CACNA1G: variants seen among roughly 807,000 people sequenced by gnomAD.
CACNA1G encodes the protein calcium voltage-gated channel subunit alpha1 G, also known as voltage-dependent T-type calcium channel subunit alpha-1G.
In CACNA1G, 67 loss-of-function variants were observed where a neutral mutation model predicts 219.4. The observed-to-expected ratio is 0.31, with a 90% CI of 0.25 to 0.37. The LOEUF is 0.37. Among genes scored for constraint, CACNA1G ranks in the 10% least tolerant of loss-of-function variants. The probability of loss-of-function intolerance (pLI) is 1.00; values close to 1 mark genes in which losing one functional copy is unlikely to be tolerated. For synonymous variants in CACNA1G, 1,296 were observed against 1,345.3 expected (o/e 0.96, Z 0.80); for missense variants, 2,380 against 3,231.4 (o/e 0.74, Z 6.39).
intron 9 of CACNA1G, among the ~76,000 whole-genome samples, chr17:50,586,167 C>T (rs1490398495): frequency 1.3e-5 from 2 of 152,214 alleles, no homozygotes; most frequent in Non-Finnish European, 2.9e-5. Context: ...CGTCCACACG[C>T]TGCCACCACT....
At position 50,599,634 on chromosome 17, in the gene CACNA1G, C is replaced by A; in HGVS notation, c.3465C>A (p.Gly1155=). The A allele has an allele frequency of 1.2e-6, 2 of 1,612,968 alleles. No homozygotes were observed. The highest frequency in any genetic ancestry group is 1.7e-6 in the Non-Finnish European group (2 of 1,179,502). ...AAGAGGAGCGGGCCAGCCCTGCGGG[C>A]AGTGACCATCGCCACAGGGGGTCCC... The part of the protein sequence containing the change: ...SSEEERASPA[G]SDHRHRGSLE... The change falls in exon 17 of 38, where the codon GGC becomes GGA. Residue 1155 remains glycine, a synonymous_variant. Transcript: ENST00000359106.
chr17:50,613,184 A>G (rs1021492837), intron 26 of CACNA1G, among the ~76,000 whole-genome samples: 1 of 152,210 alleles, frequency 6.6e-6, no homozygotes, highest in Non-Finnish European at 1.5e-5. Context: ...AGCTAGCTGA[A>G]TGAGTCACTT....
Position 50,617,943 on chromosome 17 carries a change from G to C in CACNA1G, c.5226+14G>C, listed in dbSNP as rs774314338. Reference sequence around the variant, plus strand: ...GCCCTGCCCCAGGTAGCCGGGAGGTGGGGGGCCTCTGGGGAGGGGGAGGTG... The same window carrying C: ...GCCCTGCCCCAGGTAGCCGGGAGGTCGGGGGCCTCTGGGGAGGGGGAGGTG... On this transcript the variant is annotated intron_variant, in intron 30 of 37. Coordinates refer to ENST00000359106, the MANE Select transcript of CACNA1G (RefSeq NM_018896.5). The surrounding 1 kb of genome is among the most constrained non-coding windows in gnomAD (Gnocchi z 5.8). 1.2e-5 allele frequency: 19 copies of C among 1,613,274 alleles called. No homozygotes were observed. Among genetic ancestry groups the C allele is most frequent in the Admixed American group, 1.7e-5 (1 of 60,008 alleles).
Position 50,613,071 on chromosome 17 carries a change from G to A in CACNA1G, c.4760-2290G>A, listed in dbSNP as rs577212844. ...GAGGCCTTTGGGCAGACCATCCAGG[G>A]GTGTCCTCTGGGCCAAGGCCTCAAA... is the stretch of plus-strand genomic sequence containing the variant. On this transcript the variant is annotated intron_variant, in intron 26 of 37. Coordinates refer to ENST00000359106, the MANE Select transcript of CACNA1G (RefSeq NM_018896.5). 2.2e-3 allele frequency among the ~76,000 whole-genome samples: 341 copies of A among 152,316 alleles called. 1 individual carries two copies. Among genetic ancestry groups the A allele is most frequent in the Non-Finnish European group, 3.9e-3 (265 of 68,024 alleles).
chr17:50,583,312 G>A (rs2042336121), intron 9 of CACNA1G, among the ~76,000 whole-genome samples: 1 of 152,200 alleles, frequency 6.6e-6, no homozygotes, highest in African/African-American at 2.4e-5. Flanking sequence ...GAGGGGCATT[G>A]TTTTGGAGAT....
At chr17:50,612,058 G>A (rs1283515655) in intron 26 of CACNA1G, among the ~76,000 whole-genome samples, 2 of 152,252 alleles carry the variant, frequency 1.3e-5, no homozygotes, top group Non-Finnish European at 2.9e-5. Flanking sequence ...GGAGTTCTGC[G>A]TGGCCTATGC....
chr17:50,595,296 T>G (rs552680666), intron 14 of CACNA1G, among the ~76,000 whole-genome samples: 116 of 152,334 alleles, frequency 7.6e-4, no homozygotes, highest in African/African-American at 2.5e-3. Context: ...GGGCACCATC[T>G]CCATCCCTGC....
chr17:50,617,970 T>C lies in CACNA1G; in HGVS notation c.5226+41T>C. ...GGGGCCTCTGGGGAGGGGGAGGTGCTTTCCAGAGGGAAGGGGCTCAGAGAA... is the reference window on the plus strand; with the variant it reads ...GGGGCCTCTGGGGAGGGGGAGGTGCCTTCCAGAGGGAAGGGGCTCAGAGAA... On this transcript the variant is annotated intron_variant, in intron 30 of 37. Coordinates refer to ENST00000359106, the MANE Select transcript of CACNA1G (RefSeq NM_018896.5). This position sits in a 1 kb window ranked among gnomAD's most constrained non-coding sequence, Gnocchi z 5.8. 2 of 1,612,866 alleles carry C rather than the reference T, an allele frequency of 1.2e-6. No homozygotes were observed. Among genetic ancestry groups the C allele is most frequent in the Non-Finnish European group, 1.7e-6 (2 of 1,179,046 alleles).
At chr17:50,589,608 G>A (rs1237469798) in intron 9 of CACNA1G, among the ~76,000 whole-genome samples, 2 of 152,322 alleles carry the variant, frequency 1.3e-5, no homozygotes, top group African/African-American at 2.4e-5. Flanking sequence ...GACAGGGTTC[G>A]TCATTCGTCC....
chr17:50,594,625 C>A (rs960891834), intron 13 of CACNA1G, among the ~76,000 whole-genome samples: 1 of 152,132 alleles, frequency 6.6e-6, no homozygotes, highest in African/African-American at 2.4e-5. Context: ...TGTAAGATGG[C>A]GATCCTGGAA....
chr17:50,577,688 C>T (rs1192258378), intron 8 of CACNA1G, among the ~76,000 whole-genome samples: 2 of 151,464 alleles, frequency 1.3e-5, no homozygotes, highest in East Asian at 3.9e-4. Flanking sequence ...TGTATGTGTG[C>T]CCATATGGTG....
At chr17:50,616,251 G>A in intron 27 of CACNA1G, 24 bp from the exon 28 acceptor site, 3 of 1,463,372 alleles carry the variant, frequency 2.1e-6, no homozygotes, top group Non-Finnish European at 2.9e-6. Context: ...AAGGGACCCT[G>A]CATCTTGCCC....
chr17:50,565,469 C>T (rs1353299705), intron 1 of CACNA1G, among the ~76,000 whole-genome samples: 2 of 151,994 alleles, frequency 1.3e-5, no homozygotes, highest in African/African-American at 2.4e-5. Flanking sequence ...TAGGGGTTGC[C>T]GAATCCGATA....
intron 9 of CACNA1G, among the ~76,000 whole-genome samples, chr17:50,587,461 T>C (rs2043217760): frequency 1.3e-5 from 2 of 152,240 alleles, no homozygotes; most frequent in African/African-American, 4.8e-5. Flanking sequence ...TGGGGCAACT[T>C]TGTTGCTAAG....
At position 50,617,625 on chromosome 17, in the gene CACNA1G, A is replaced by C; in HGVS notation, c.5155+54A>C. On this transcript the variant is annotated intron_variant, in intron 29 of 37. Coordinates refer to ENST00000359106, the MANE Select transcript of CACNA1G (RefSeq NM_018896.5). The surrounding 1 kb of genome is among the most constrained non-coding windows in gnomAD (Gnocchi z 5.8). ...CCTAGGGTGACCAGCCCAGGGAGAG[A>C]GAGCAAGGGTCGGCTTTGTGGCTGG... The C allele has an allele frequency of 6.3e-7, 1 of 1,592,052 alleles. No homozygotes were observed. The highest frequency in any genetic ancestry group is 1.1e-5 in the South Asian group (1 of 89,238).
intron 26 of CACNA1G, among the ~76,000 whole-genome samples, chr17:50,610,868 A>G (rs2049042708): frequency 2.0e-5 from 3 of 152,196 alleles, no homozygotes; most frequent in Admixed American, 2.0e-4. Flanking sequence ...ACACTAAATG[A>G]TGGCAAAGAA....
In CACNA1G at chr17:50,626,149, C is replaced by T. The variant is rs1459780554; in HGVS notation, c.6532C>T (p.Gln2178Ter). The T allele has an allele frequency of 6.2e-7, 1 of 1,613,738 alleles. No individual in the cohort carries two copies. The highest frequency in any genetic ancestry group is 1.3e-5 in the African/African-American group (1 of 74,934). Residue 2178 changes from glutamine to a stop codon, truncating the protein, a stop_gained, in exon 38 of 38, where the codon CAG becomes TAG. Coordinates refer to ENST00000359106, the MANE Select transcript of CACNA1G (RefSeq NM_018896.5). LOFTEE classifies it high-confidence loss of function. The surrounding 1 kb of genome is among the most constrained non-coding windows in gnomAD (Gnocchi z 4.3). ...CTGGGGCCAGTCAAGTACCCAGGCA[C>T]AGCAGCACTCCCGCAGCCACAGCAA... is the stretch of plus-strand genomic sequence containing the variant. ...SFWGQSSTQA[Q>*]QHSRSHSKIS...
intron 4 of CACNA1G, among the ~76,000 whole-genome samples, chr17:50,570,833 GGAGGGAGACT>G (rs1333377658): frequency 6.6e-6 from 1 of 152,182 alleles, no homozygotes; most frequent in Non-Finnish European, 1.5e-5. Context: ...AGGAGGAGGG[GGAGGGAGACT>G]GAGTGAGAAA....
At chr17:50,604,031 T>C (rs2047396817) in intron 21 of CACNA1G, 124 bp from the exon 22 acceptor site, 1 of 948,940 alleles carries the variant, frequency 1.1e-6, no homozygotes, top group African/African-American at 1.6e-5. Context: ...AGAGGACTTG[T>C]GTTCTGCCAC....
Sources: allele counts gnomAD v4.1 joint callset (sites outside exome capture counted in the v4.1 genomes callset), GRCh38; gene constraint gnomAD v4.1.1; non-coding constraint Gnocchi (gnomAD v3.1); transcripts MANE v1.5; gene names NCBI Gene and HGNC (gene_info 2026-07-23, HGNC 2026-07-21).